The following ENOX1 variants were observed in gnomAD, a reference collection of about 807,000 sequenced individuals.
The protein encoded by ENOX1 is ecto-NOX disulfide-thiol exchanger 1.
Under a neutral mutation model 82.5 loss-of-function variants are expected in ENOX1, and 42 were observed. The ratio of observed to expected loss-of-function variants is 0.51; its 90% confidence interval spans 0.40 to 0.66. ENOX1 has a LOEUF of 0.66. Ranked by LOEUF, ENOX1 falls within the 30% of genes least tolerant of loss-of-function variation. The pLI is 0.00. For missense variants in ENOX1, 608 were observed against 811.6 expected, an observed-to-expected ratio of 0.75 and a Z score of 3.05; for synonymous variants, 271 against 282.2, an observed-to-expected ratio of 0.96 and a Z score of 0.40.
At chr13:43,515,254 A>T (rs1263432707) in intron 2 of ENOX1, among the ~76,000 whole-genome samples, 1 of 152,130 alleles carries the variant, frequency 6.6e-6, no homozygotes, top group Non-Finnish European at 1.5e-5. Flanking sequence ...GCTGTGGGTG[A>T]TTTTTAAAAT....
intron 2 of ENOX1, among the ~76,000 whole-genome samples, chr13:43,582,292 ATAGATT>A (rs2080781587): frequency 1.3e-5 from 2 of 152,208 alleles, no homozygotes. Context: ...AGGAAAATTC[ATAGATT>A]TAAACAGTTG....
chr13:43,432,723 C>G (rs1047343528), intron 3 of ENOX1, among the ~76,000 whole-genome samples: 1 of 152,208 alleles, frequency 6.6e-6, no homozygotes, highest in Admixed American at 6.5e-5. Flanking sequence ...ACAGTTTCAA[C>G]TCCGTCTCAG....
At chr13:43,672,642 A>G (rs2085323522) in intron 1 of ENOX1, among the ~76,000 whole-genome samples, 1 of 152,198 alleles carries the variant, frequency 6.6e-6, no homozygotes, top group African/African-American at 2.4e-5. Context: ...CTCATATTAT[A>G]TCTGCATATC....
chr13:43,307,989 C>T (rs1288941298), intron 11 of ENOX1, among the ~76,000 whole-genome samples: 2 of 152,202 alleles, frequency 1.3e-5, no homozygotes, highest in African/African-American at 2.4e-5. Flanking sequence ...TCTCTAGATT[C>T]GCAGAGGCTT....
chr13:43,529,965 G>A (rs914351209), intron 2 of ENOX1, among the ~76,000 whole-genome samples: 2 of 152,078 alleles, frequency 1.3e-5, no homozygotes, highest in South Asian at 2.1e-4. Context: ...CAGGTAGTCT[G>A]AGTTTAAATG....
intron 1 of ENOX1, among the ~76,000 whole-genome samples, chr13:43,688,737 T>C (rs1456729838): frequency 6.6e-6 from 1 of 151,078 alleles, no homozygotes; most frequent in African/African-American, 2.5e-5. Flanking sequence ...GGGCTACTAT[T>C]TGCAGAGAAA....
At chr13:43,285,567 T>C (rs2045645554) in intron 12 of ENOX1, among the ~76,000 whole-genome samples, 1 of 152,078 alleles carries the variant, frequency 6.6e-6, no homozygotes, top group Admixed American at 6.6e-5. Context: ...AGGATTTTTT[T>C]TGCCGAGGCA....
At chr13:43,496,198 G>A (rs965859668) in intron 2 of ENOX1, among the ~76,000 whole-genome samples, 1 of 151,770 alleles carries the variant, frequency 6.6e-6, no homozygotes, top group Non-Finnish European at 1.5e-5. Flanking sequence ...TATAATGTGA[G>A]TGCTTTTAGT....
rs61960105 is a variant in ENOX1, at chr13:43,754,060, A to G, written c.-285+32592T>C. On this transcript the variant is annotated intron_variant, in intron 1 of 16. Coordinates refer to ENST00000690772, the MANE Select transcript of ENOX1 (RefSeq NM_001347969.2). Reference sequence around the variant, plus strand: ...TGTATATAAATACACATATATATACATATATACGTATATAAATACACATAT... The same window carrying G: ...TGTATATAAATACACATATATATACGTATATACGTATATAAATACACATAT... Among the ~76,000 whole-genome samples the G allele has an allele frequency of 2.5e-3, 355 of 142,610 alleles. 6 individuals are homozygous for G. Among genetic ancestry groups the G allele is most frequent in the African/African-American group, 8.8e-3 (322 of 36,648 alleles). 93.6% of individuals were successfully genotyped at this position (142,610 alleles called of 152,430 possible).
At position 43,754,565 on chromosome 13, in the gene ENOX1, T is replaced by C. The variant is rs1229543204; in HGVS notation, c.-285+32087A>G. 1.5e-4 allele frequency among the ~76,000 whole-genome samples: 22 copies of C among 150,756 alleles called. No individual in the cohort carries two copies. In the Admixed American group the frequency reaches 1.5e-3, roughly 10 times the overall value. On this transcript the variant is annotated intron_variant, in intron 1 of 16. Coordinates refer to ENST00000690772, the MANE Select transcript of ENOX1 (RefSeq NM_001347969.2). ...CTAGGTTGGTCTCGAACTCCTCTAC[T>C]TGTATCTTTTAATTTTAGCAGCTTG...
intron 2 of ENOX1, among the ~76,000 whole-genome samples, chr13:43,623,021 AG>A (rs1273719554): frequency 4.6e-5 from 7 of 152,044 alleles, no homozygotes; most frequent in Non-Finnish European, 8.8e-5. Flanking sequence ...GAGTCATTGC[AG>A]GTTGTCACGG....
intron 2 of ENOX1, among the ~76,000 whole-genome samples, chr13:43,629,375 G>C (rs2083108246): frequency 1.3e-5 from 2 of 152,204 alleles, no homozygotes; most frequent in African/African-American, 4.8e-5. Context: ...CAGCTTGCTA[G>C]CTTCTTCAGT....
chr13:43,251,721 T>C (rs1157684328), intron 14 of ENOX1, among the ~76,000 whole-genome samples: 4 of 152,198 alleles, frequency 2.6e-5, no homozygotes, highest in Non-Finnish European at 5.9e-5. Context: ...CAATACAAAA[T>C]CTAATTACTT....
intron 2 of ENOX1, among the ~76,000 whole-genome samples, chr13:43,657,197 C>A (rs1161236075): frequency 4.6e-5 from 7 of 152,202 alleles, no homozygotes; most frequent in African/African-American, 1.7e-4. Flanking sequence ...TAAGACTACA[C>A]AAGAGATTTT....
intron 1 of ENOX1, among the ~76,000 whole-genome samples, chr13:43,702,731 A>G (rs996628119): frequency 6.6e-6 from 1 of 152,032 alleles, no homozygotes; most frequent in Non-Finnish European, 1.5e-5. Flanking sequence ...TGGGTGGATC[A>G]CTTGAGGTCA....
chr13:43,271,410 G>T (rs778618980), intron 12 of ENOX1, among the ~76,000 whole-genome samples: 5 of 152,046 alleles, frequency 3.3e-5, no homozygotes, highest in Non-Finnish European at 5.9e-5. Flanking sequence ...TCATAGGAAA[G>T]GATCTAGATG....
At chr13:43,766,821 C>T (rs1951303851) in intron 1 of ENOX1, among the ~76,000 whole-genome samples, 1 of 152,130 alleles carries the variant, frequency 6.6e-6, no homozygotes, top group South Asian at 2.1e-4. Flanking sequence ...AGAATTCTCA[C>T]TAAAAGGATG....
intron 3 of ENOX1, among the ~76,000 whole-genome samples, chr13:43,420,108 C>T (rs1209033243): frequency 6.6e-6 from 1 of 152,212 alleles, no homozygotes; most frequent in Non-Finnish European, 1.5e-5. Context: ...TTCCAAAGTT[C>T]ACTCTCCTTT....
intron 2 of ENOX1, among the ~76,000 whole-genome samples, chr13:43,667,124 C>A (rs941048279): frequency 2.0e-5 from 3 of 152,120 alleles, no homozygotes; most frequent in Admixed American, 2.0e-4. Flanking sequence ...AATTAGAAGT[C>A]TTCAATATTC....
Sources: gnomAD v4.1 joint callset for allele counts (sites outside exome capture counted in the v4.1 genomes callset) on GRCh38, gnomAD v4.1.1 for gene constraint, MANE v1.5 for transcripts, NCBI Gene and HGNC (gene_info 2026-07-23, HGNC 2026-07-21) for gene names.